MAK: variants seen among roughly 807,000 people sequenced by gnomAD.
MAK encodes male germ cell associated kinase.
Under a neutral mutation model 82.6 loss-of-function variants are expected in MAK, and 65 were observed. The ratio of observed to expected loss-of-function variants is 0.79; its 90% CI spans 0.64 to 0.97. The LOEUF (loss-of-function observed/expected upper bound fraction) is 0.97. Among genes scored for constraint, MAK ranks in the 50% least tolerant of loss-of-function variants. The pLI, the probability that MAK is intolerant of heterozygous loss-of-function variation, is 0.00. For missense variants in MAK, 703 were observed against 780.2 expected (o/e 0.90, Z 1.18); for synonymous variants, 250 against 274.2 (o/e 0.91, Z 0.87).
Position 10,770,236 on chromosome 6 carries a change from G to A in MAK, c.1673-6C>T. The A allele has an allele frequency of 6.2e-7, 1 of 1,613,748 alleles. No individual in the cohort carries two copies. The highest frequency in any genetic ancestry group is 8.5e-7 in the Non-Finnish European group (1 of 1,179,942). On this transcript the variant is annotated splice_polypyrimidine_tract_variant and splice_region_variant and intron_variant, in intron 13 of 14. Coordinates refer to ENST00000354489, the MANE Select transcript of MAK (RefSeq NM_001242957.3). ...AGCATAACTTCCAAGATTTCCTAGTGACATATCATAAAGTTTCACAGTCAG... is the reference window on the plus strand; with the variant it reads ...AGCATAACTTCCAAGATTTCCTAGTAACATATCATAAAGTTTCACAGTCAG...
chr6:10,814,145 T>G (rs1163781313), intron 4 of MAK, among the ~76,000 whole-genome samples: 1 of 151,940 alleles, frequency 6.6e-6, no homozygotes, highest in African/African-American at 2.4e-5. Flanking sequence ...AATTTTGTAT[T>G]TTTAGTAGAG....
intron 2 of MAK, among the ~76,000 whole-genome samples, chr6:10,820,111 C>CA (rs1319537842): frequency 0.011 from 1,573 of 138,402 alleles, 32 homozygotes; most frequent in African/African-American, 0.039. Flanking sequence ...GACTCTGTCT[C>CA]AAAAAAAAAA....
In MAK at chr6:10,784,430, G is replaced by A; in HGVS notation, c.1459C>T (p.Leu487Phe). Residue 487 changes from leucine to phenylalanine, a missense_variant, in exon 11 of 15, where the codon CTT becomes TTT. Coordinates refer to ENST00000354489, the MANE Select transcript of MAK (RefSeq NM_001242957.3). ...KQYYLKQSRY[L>F]PGVNPKKVSL... Reference sequence around the variant, plus strand: ...TTTTCTTTGCTCTACTTACCTGGAAGATATCTTGATTGTTTCAAGTAGTAC... The same window carrying A: ...TTTTCTTTGCTCTACTTACCTGGAAAATATCTTGATTGTTTCAAGTAGTAC... 2 of 1,614,162 alleles carry A rather than the reference G, an allele frequency of 1.2e-6. No individual in the cohort carries two copies. Among genetic ancestry groups the A allele is most frequent in the Non-Finnish European group, 1.7e-6 (2 of 1,180,016 alleles).
chr6:10,819,834 C>G (rs922735494), intron 2 of MAK, among the ~76,000 whole-genome samples: 1 of 151,792 alleles, frequency 6.6e-6, no homozygotes, highest in Non-Finnish European at 1.5e-5. Flanking sequence ...GATTCATGGC[C>G]GGGCGCGGTG....
At position 10,796,003 on chromosome 6, in the gene MAK, G is replaced by A. The variant is rs1775519182; in HGVS notation, c.1138C>T (p.Pro380Ser). The A allele has an allele frequency of 1.2e-6, 2 of 1,613,544 alleles. No individual in the cohort carries two copies. The highest frequency in any genetic ancestry group is 1.7e-5 in the Admixed American group (1 of 59,984). ...TLFPSIVKNM[P>S]TKPNGTLSHK... is the part of the protein sequence containing the mutation. ...TGTCATGACTGGCTACTCACAGTTG[G>A]CATGTTTTTGACGATGCTCGGGAAT... is the stretch of plus-strand genomic sequence containing the variant. Residue 380 changes from proline to serine, a missense_variant, in exon 9 of 15, where the codon CCA becomes TCA. Physicochemically the swap from Pro to Ser is moderately conservative, Grantham distance 74. Coordinates refer to ENST00000354489, the MANE Select transcript of MAK (RefSeq NM_001242957.3).
chr6:10,787,152 T>G (rs930633135), intron 10 of MAK, among the ~76,000 whole-genome samples: 30 of 142,916 alleles, frequency 2.1e-4, no homozygotes, highest in Non-Finnish European at 3.7e-4. Context: ...CTCCGCTAAT[T>G]CACCAGTTCA....
At chr6:10,787,310 T>C (rs952336542) in intron 10 of MAK, among the ~76,000 whole-genome samples, 5 of 152,248 alleles carry the variant, frequency 3.3e-5, no homozygotes, top group Non-Finnish European at 7.3e-5. Flanking sequence ...TCAGCTCCTA[T>C]TGCTAAAGAA....
chr6:10,778,238 C>A (rs545493292), intron 11 of MAK, among the ~76,000 whole-genome samples: 3 of 152,258 alleles, frequency 2.0e-5, no homozygotes, highest in East Asian at 3.9e-4. Context: ...TACTCTTTGG[C>A]TCTTAGAATC....
chr6:10,796,385 C>T, intron 8 of MAK, 76 bp from the exon 9 acceptor site: 2 of 1,232,004 alleles, frequency 1.6e-6, no homozygotes, highest in Admixed American at 3.5e-5. Context: ...ATGGTTGGCC[C>T]TGTGCGAGGC....
intron 10 of MAK, among the ~76,000 whole-genome samples, chr6:10,787,788 G>C (rs1774709638): frequency 6.6e-6 from 1 of 151,148 alleles, no homozygotes; most frequent in South Asian, 2.1e-4. Context: ...GTGAACCCAG[G>C]AGGCGGAGCT....
rs1772080283 is a variant in MAK at position 10,762,826 on chromosome 6, AC to A, written c.*1625del. 1.3e-5 allele frequency: 2 copies of A among 152,738 alleles called. No homozygotes were observed. Among genetic ancestry groups the A allele is most frequent in the East Asian group, 3.9e-4 (2 of 5,188 alleles). 9.5% of individuals were successfully genotyped at this position (152,738 alleles called of 1,614,324 possible). A position where few individuals can be genotyped will look rare whatever the true frequency, so the allele number is the denominator to read the frequency against. On this transcript the variant is annotated 3_prime_UTR_variant, in exon 15 of 15. Transcript: ENST00000354489. ...AATTTAAACTGTACAAATACATATA[AC>A]CATTACCACTAGGATAAATTACTCT...
intron 14 of MAK, among the ~76,000 whole-genome samples, chr6:10,767,500 C>T (rs890372935): frequency 6.6e-6 from 1 of 152,102 alleles, no homozygotes; most frequent in African/African-American, 2.4e-5. Flanking sequence ...CATTGATTTT[C>T]CTTCTCAAAA....
At position 10,773,122 on chromosome 6, in the gene MAK, A is replaced by G; in HGVS notation, c.1598-14T>C. On this transcript the variant is annotated splice_polypyrimidine_tract_variant and intron_variant, in intron 12 of 14. Transcript: ENST00000354489. The stretch of plus-strand genomic sequence containing the variant: ...TTATGCTTTCTTCTAAAGAGAAGAC[A>G]GATGGAAAGAAAGAATAATAGTAAG... The G allele has an allele frequency of 1.5e-6, 2 of 1,366,950 alleles. No homozygotes were observed. Among genetic ancestry groups the G allele is most frequent in the South Asian group, 1.3e-5 (1 of 76,670 alleles). 84.7% of individuals were successfully genotyped at this position (1,366,950 alleles called of 1,614,324 possible).
chr6:10,781,203 G>C (rs536475593), intron 11 of MAK, among the ~76,000 whole-genome samples: 1 of 152,268 alleles, frequency 6.6e-6, no homozygotes, highest in Admixed American at 6.5e-5. Flanking sequence ...CATGTTTACA[G>C]TCTGATTATC....
At chr6:10,824,598 T>C (rs919833439) in intron 2 of MAK, among the ~76,000 whole-genome samples, 19 of 151,872 alleles carry the variant, frequency 1.3e-4, no homozygotes, top group African/African-American at 4.4e-4. Context: ...CAGTCTCCCC[T>C]CTCCATACAG....
At chr6:10,828,836 C>T (rs1282867388) in intron 2 of MAK, among the ~76,000 whole-genome samples, 3 of 151,912 alleles carry the variant, frequency 2.0e-5, no homozygotes, top group African/African-American at 7.3e-5. Flanking sequence ...ACATGCACAA[C>T]GAGAAGATCA....
chr6:10,815,630 C>T (rs1426237516), intron 4 of MAK, among the ~76,000 whole-genome samples: 2 of 151,724 alleles, frequency 1.3e-5, no homozygotes, highest in East Asian at 3.9e-4. Flanking sequence ...GACCCTGTCT[C>T]TGAAAAAAAA....
At chr6:10,804,008 T>C (rs1034633181) in intron 6 of MAK, 117 bp from the exon 7 acceptor site, 29 of 829,622 alleles carry the variant, frequency 3.5e-5, no homozygotes, top group Non-Finnish European at 5.9e-5. Flanking sequence ...ATTCAGACCC[T>C]GTTCCATCTG....
At chr6:10,797,978 G>A in intron 8 of MAK, 2 of 1,077,570 alleles carry the variant, frequency 1.9e-6, no homozygotes, top group Non-Finnish European at 2.3e-6. Context: ...GCACACTGAA[G>A]GTACTCAAAT....
Sources: allele counts gnomAD v4.1 joint callset (sites outside exome capture counted in the v4.1 genomes callset), GRCh38; gene constraint gnomAD v4.1.1; transcripts MANE v1.5; gene names NCBI Gene and HGNC (gene_info 2026-07-23, HGNC 2026-07-21).